The following CPQ variants were observed in gnomAD, a reference collection of about 807,000 sequenced individuals.
The protein encoded by CPQ is carboxypeptidase Q, also known as Ser-Met dipeptidase.
A neutral mutation model predicts 45.7 loss-of-function variants in CPQ; 37 were observed. The observed-to-expected ratio is 0.81, with a 90% CI of 0.62 to 1.07. The LOEUF (loss-of-function observed/expected upper bound fraction) is 1.07. Among genes scored for constraint, CPQ ranks in the 50% least tolerant of loss-of-function variants. CPQ has a pLI of 0.00. For missense variants in CPQ, 537 were observed against 572.9 expected (o/e 0.94, Z 0.64); for synonymous variants, 186 against 205.8 (o/e 0.90, Z 0.82).
chr8:96,871,928 A>G (rs1435074174), intron 3 of CPQ, among the ~76,000 whole-genome samples: 2 of 151,860 alleles, frequency 1.3e-5, no homozygotes, highest in East Asian at 3.9e-4. Context: ...TTTTTTTACG[A>G]TATTGGCGAT....
intron 3 of CPQ, among the ~76,000 whole-genome samples, chr8:96,866,498 TTAC>T (rs896115783): frequency 2.6e-4 from 39 of 152,052 alleles, no homozygotes; most frequent in Admixed American, 1.2e-3. Flanking sequence ...AATTATCTTA[TTAC>T]GGAGAATTGA....
At chr8:97,017,523 C>G (rs565689484) in intron 5 of CPQ, among the ~76,000 whole-genome samples, 2 of 152,302 alleles carry the variant, frequency 1.3e-5, no homozygotes, top group South Asian at 4.2e-4. Flanking sequence ...AAGTTCTCAG[C>G]CCTGCTCACC....
At chr8:96,691,025 G>C (rs1204037848) in intron 1 of CPQ, among the ~76,000 whole-genome samples, 2 of 145,230 alleles carry the variant, frequency 1.4e-5, no homozygotes, top group Non-Finnish European at 2.9e-5. Flanking sequence ...TAAATGTACA[G>C]AAATTGGTTG....
chr8:96,704,722 G>A (rs987574671), intron 1 of CPQ, among the ~76,000 whole-genome samples: 4 of 152,118 alleles, frequency 2.6e-5, no homozygotes, highest in Admixed American at 1.3e-4. Context: ...GCATTGGGAA[G>A]TTATTAAAGA....
At chr8:97,001,727 T>C (rs1345925898) in intron 5 of CPQ, among the ~76,000 whole-genome samples, 77 of 144,104 alleles carry the variant, frequency 5.3e-4, no homozygotes, top group South Asian at 3.5e-3. Context: ...CTTTCTTTTT[T>C]TTTTTTTTTT....
chr8:96,723,624 A>G (rs1026683407), intron 1 of CPQ, among the ~76,000 whole-genome samples: 4 of 152,148 alleles, frequency 2.6e-5, no homozygotes, highest in Non-Finnish European at 4.4e-5. Context: ...TTGAGGACTG[A>G]AAAACACTGC....
intron 1 of CPQ, among the ~76,000 whole-genome samples, chr8:96,729,461 A>G (rs192520021): frequency 2.0e-5 from 3 of 152,348 alleles, no homozygotes; most frequent in Admixed American, 6.5e-5. Context: ...TAAGAAGGAC[A>G]GTATTTTCTA....
intron 1 of CPQ, among the ~76,000 whole-genome samples, chr8:96,685,445 A>G (rs937342378): frequency 6.6e-6 from 1 of 152,000 alleles, no homozygotes; most frequent in African/African-American, 2.4e-5. Context: ...TTCTTCGATT[A>G]GTTATCAAGG....
At chr8:96,855,503 C>T (rs1218252347) in intron 3 of CPQ, among the ~76,000 whole-genome samples, 1 of 152,188 alleles carries the variant, frequency 6.6e-6, no homozygotes, top group Non-Finnish European at 1.5e-5. Context: ...TTCATCCATT[C>T]ATTCATTCAT....
intron 7 of CPQ, among the ~76,000 whole-genome samples, chr8:97,106,477 T>C (rs915424884): frequency 3.9e-5 from 6 of 152,258 alleles, no homozygotes; most frequent in Non-Finnish European, 7.3e-5. Flanking sequence ...GAGGAAACAG[T>C]GCTCCCTGCT....
chr8:96,987,554 C>A (rs1809008476), intron 5 of CPQ, among the ~76,000 whole-genome samples: 2 of 152,180 alleles, frequency 1.3e-5, no homozygotes, highest in Admixed American at 6.5e-5. Flanking sequence ...ATCAGAAAAT[C>A]AGATGAGAAG....
At position 97,018,644 on chromosome 8, in the gene CPQ, A is replaced by T. The variant is rs560070146; in HGVS notation, c.962-10759A>T. ...TTGAACAAGCAAAAGAAAGAACTTC[A>T]GAGCTTGAAGACAAAGTTTTCGAAT... is the stretch of plus-strand genomic sequence containing the variant. On this transcript the variant is annotated intron_variant, in intron 5 of 7. Coordinates refer to ENST00000220763, the MANE Select transcript of CPQ (RefSeq NM_016134.4). Among the ~76,000 whole-genome samples, 4 of 152,348 alleles carry T rather than the reference A, an allele frequency of 2.6e-5. No individual in the cohort carries two copies. In the East Asian group the frequency reaches 7.7e-4, roughly 29 times the overall value.
At chr8:96,685,113 AC>A (rs66494280) in intron 1 of CPQ, among the ~76,000 whole-genome samples, 3 of 29,186 alleles carry the variant, frequency 1.0e-4, no homozygotes, top group African/African-American at 2.2e-4. Context: ...TCAAAAACAA[AC>A]AAACAACAAA....
intron 4 of CPQ, among the ~76,000 whole-genome samples, chr8:96,942,627 G>A (rs1220568544): frequency 8.5e-5 from 13 of 152,134 alleles, no homozygotes; most frequent in African/African-American, 2.4e-4. Flanking sequence ...TGGAATATCC[G>A]GAGCAGTTCT....
chr8:96,724,495 A>G (rs1809808901), intron 1 of CPQ, among the ~76,000 whole-genome samples: 1 of 64,352 alleles, frequency 1.6e-5, no homozygotes, highest in Admixed American at 1.4e-4. Flanking sequence ...GAGTAGACAC[A>G]CACACACACA....
chr8:96,738,040 G>A (rs144980098), intron 1 of CPQ, among the ~76,000 whole-genome samples: 11 of 152,144 alleles, frequency 7.2e-5, no homozygotes, highest in South Asian at 4.1e-4. Context: ...TTGATAGTTC[G>A]TTTTGCTGCT....
At chr8:97,081,721 C>A (rs546962125) in intron 7 of CPQ, among the ~76,000 whole-genome samples, 1 of 152,132 alleles carries the variant, frequency 6.6e-6, no homozygotes, top group Non-Finnish European at 1.5e-5. Flanking sequence ...TTTCAGAAGG[C>A]CCCCAGGTGT....
intron 1 of CPQ, among the ~76,000 whole-genome samples, chr8:96,652,894 A>G (rs139186720): frequency 6.6e-6 from 1 of 152,280 alleles, no homozygotes; most frequent in East Asian, 1.9e-4. Flanking sequence ...TCAGCCTCCC[A>G]AAGTACTGGG....
chr8:96,724,818 G>T (rs1343328903), intron 1 of CPQ, among the ~76,000 whole-genome samples: 1 of 152,086 alleles, frequency 6.6e-6, no homozygotes, highest in African/African-American at 2.4e-5. Flanking sequence ...TAAGTAAAAA[G>T]AATGAAGCTA....
Sources: allele counts gnomAD v4.1 joint callset (sites outside exome capture counted in the v4.1 genomes callset), GRCh38; gene constraint gnomAD v4.1.1; transcripts MANE v1.5; gene names NCBI Gene and HGNC (gene_info 2026-07-23, HGNC 2026-07-21).